The following KCNH8 variants were observed in gnomAD, a reference collection of about 807,000 sequenced individuals.
KCNH8 encodes the protein potassium voltage-gated channel subfamily H member 8.
KCNH8 carries 70 observed loss-of-function variants against 103.6 expected under a neutral mutation model. The ratio of observed to expected loss-of-function variants is 0.68; its 90% CI spans 0.56 to 0.82. KCNH8 has a LOEUF of 0.82. Ranked by LOEUF, KCNH8 falls within the 40% of genes least tolerant of loss-of-function variation. The pLI, the probability that KCNH8 is intolerant of heterozygous loss-of-function variation, is 0.00. For missense variants in KCNH8, 1,217 were observed against 1,329.9 expected, an observed-to-expected ratio of 0.92 and a Z score of 1.32; for synonymous variants, 498 against 489.4, an observed-to-expected ratio of 1.02 and a Z score of -0.23.
chr3:19,337,829 T>C (rs1048430734), intron 3 of KCNH8, among the ~76,000 whole-genome samples: 13 of 152,086 alleles, frequency 8.5e-5, no homozygotes, highest in African/African-American at 3.1e-4. Context: ...CAATTTCTTC[T>C]TTTGAAAACT....
chr3:19,493,980 T>G (rs575284494), intron 11 of KCNH8, among the ~76,000 whole-genome samples: 2 of 152,288 alleles, frequency 1.3e-5, no homozygotes, highest in East Asian at 3.9e-4. Context: ...CCAATAGATA[T>G]TTTTTCTGAT....
chr3:19,468,579 A>C (rs1231991923), intron 11 of KCNH8, among the ~76,000 whole-genome samples: 1 of 152,246 alleles, frequency 6.6e-6, no homozygotes, highest in Admixed American at 6.5e-5. Context: ...AAGCTGAATA[A>C]TAGGGGAAAA....
chr3:19,502,368 A>C (rs1443146631), intron 11 of KCNH8, among the ~76,000 whole-genome samples: 1 of 150,558 alleles, frequency 6.6e-6, no homozygotes, highest in Non-Finnish European at 1.5e-5. Flanking sequence ...TACAGATTCA[A>C]TGCCATCCCC....
At chr3:19,497,885 A>G (rs1036637629) in intron 11 of KCNH8, among the ~76,000 whole-genome samples, 12 of 152,108 alleles carry the variant, frequency 7.9e-5, no homozygotes, top group African/African-American at 2.9e-4. Context: ...GTCTCTGTGT[A>G]GGTCTCCAAA....
intron 2 of KCNH8, among the ~76,000 whole-genome samples, chr3:19,280,692 G>GTA (rs1423799405): frequency 6.6e-6 from 1 of 152,068 alleles, no homozygotes; most frequent in East Asian, 1.9e-4. Flanking sequence ...AGCCAGCAAT[G>GTA]TATGAGAGTT....
intron 5 of KCNH8, among the ~76,000 whole-genome samples, chr3:19,371,856 T>G (rs1189056287): frequency 4.6e-5 from 7 of 150,842 alleles, no homozygotes; most frequent in African/African-American, 9.8e-5. Context: ...CAGCACCATT[T>G]ATTAAATAGG....
intron 5 of KCNH8, among the ~76,000 whole-genome samples, chr3:19,375,288 G>A (rs1460989773): frequency 6.7e-6 from 1 of 149,630 alleles, no homozygotes; most frequent in Non-Finnish European, 1.5e-5. Flanking sequence ...CATATTTCTT[G>A]GAGGCTTTGC....
At chr3:19,470,445 C>G (rs2067832229) in intron 11 of KCNH8, among the ~76,000 whole-genome samples, 2 of 152,180 alleles carry the variant, frequency 1.3e-5, no homozygotes, top group Non-Finnish European at 2.9e-5. Flanking sequence ...GAAATATGGT[C>G]TCAGACATCA....
chr3:19,284,338 A>G (rs925095135), intron 3 of KCNH8, among the ~76,000 whole-genome samples: 7 of 152,064 alleles, frequency 4.6e-5, no homozygotes, highest in African/African-American at 1.2e-4. Context: ...TCATTTTTCT[A>G]TGTTTTGGGG....
intron 7 of KCNH8, among the ~76,000 whole-genome samples, chr3:19,434,377 C>T (rs1276277232): frequency 1.3e-5 from 2 of 152,210 alleles, no homozygotes; most frequent in Non-Finnish European, 2.9e-5. Flanking sequence ...CCAATAACCA[C>T]CCCACCCTCA....
chr3:19,432,254 C>A (rs2067134208), intron 7 of KCNH8, among the ~76,000 whole-genome samples: 1 of 152,054 alleles, frequency 6.6e-6, no homozygotes, highest in African/African-American at 2.4e-5. Context: ...TGAAGTTTTG[C>A]AAACCAGGGA....
At chr3:19,375,095 C>G (rs1287713353) in intron 5 of KCNH8, among the ~76,000 whole-genome samples, 1 of 151,382 alleles carries the variant, frequency 6.6e-6, no homozygotes, top group African/African-American at 2.4e-5. Flanking sequence ...TGGAGTTGCT[C>G]TTCTCAAGGA....
intron 1 of KCNH8, among the ~76,000 whole-genome samples, chr3:19,247,585 A>G (rs1316489670): frequency 6.6e-6 from 1 of 152,194 alleles, no homozygotes; most frequent in East Asian, 1.9e-4. Context: ...TGGAGGACTT[A>G]TATTTGTCTA....
At chr3:19,330,178 G>C (rs560388819) in intron 3 of KCNH8, among the ~76,000 whole-genome samples, 67 of 152,156 alleles carry the variant, frequency 4.4e-4, no homozygotes, top group African/African-American at 1.6e-3. Context: ...TTGTTCAAGC[G>C]TTCTCAGTCT....
chr3:19,384,992 G>C (rs1202510163), intron 5 of KCNH8, among the ~76,000 whole-genome samples: 1 of 152,088 alleles, frequency 6.6e-6, no homozygotes, highest in Non-Finnish European at 1.5e-5. Context: ...CACCAAACTA[G>C]AGAGTATCAT....
intron 1 of KCNH8, among the ~76,000 whole-genome samples, chr3:19,178,361 A>C (rs1012514916): frequency 5.9e-5 from 9 of 152,122 alleles, no homozygotes; most frequent in African/African-American, 2.2e-4. Context: ...TCAGTGCTGA[A>C]AACATAAGTT....
At chr3:19,299,412 T>C (rs1361747421) in intron 3 of KCNH8, among the ~76,000 whole-genome samples, 11 of 152,046 alleles carry the variant, frequency 7.2e-5, no homozygotes, top group Non-Finnish European at 1.5e-4. Context: ...GGAGGATTGC[T>C]TGAGTCTGGA....
intron 2 of KCNH8, among the ~76,000 whole-genome samples, chr3:19,280,371 T>C (rs1414404622): frequency 6.6e-6 from 1 of 152,060 alleles, no homozygotes; most frequent in South Asian, 2.1e-4. Context: ...ATAAAGATCA[T>C]GTAACAAAAC....
chr3:19,303,806 T>C (rs1473648060), intron 3 of KCNH8, among the ~76,000 whole-genome samples: 1 of 152,060 alleles, frequency 6.6e-6, no homozygotes, highest in East Asian at 1.9e-4. Context: ...CACTGAACAA[T>C]CATTGTAGGC....
Sources: gnomAD v4.1 joint callset for allele counts (sites outside exome capture counted in the v4.1 genomes callset) on GRCh38, gnomAD v4.1.1 for gene constraint, MANE v1.5 for transcripts, NCBI Gene and HGNC (gene_info 2026-07-23, HGNC 2026-07-21) for gene names.